The following SWI5 variants were observed in gnomAD, a reference collection of about 807,000 sequenced individuals.
The protein encoded by SWI5 is DNA repair protein SWI5 homolog.
SWI5 carries 12 observed loss-of-function variants against 17.0 expected under a neutral mutation model. That is an observed-to-expected ratio of 0.71 (90% CI 0.45 to 1.14). The LOEUF is 1.14. SWI5 is among the 50% of genes most tolerant of loss of function. The pLI is 0.00. For synonymous variants in SWI5, 61 were observed against 64.0 expected, an observed-to-expected ratio of 0.95 and a Z score of 0.22; for missense variants, 158 against 162.2, an observed-to-expected ratio of 0.97 and a Z score of 0.14.
rs563408051 is a variant in SWI5, at chr9:128,285,664, G to A, written c.234-275G>A. ...CTGTTTGGATCATGCGCCCATCTGC[G>A]AGTCCCTCAGCTGTGGCCAGGGTCA... On this transcript the variant is annotated intron_variant, in intron 3 of 4. Transcript: ENST00000418976. The surrounding 1 kb of genome is among the most constrained non-coding windows in gnomAD (Gnocchi z 4.8). 1.1e-4 allele frequency among the ~76,000 whole-genome samples: 17 copies of A among 152,294 alleles called. No individual in the cohort carries two copies. Among genetic ancestry groups the A allele is most frequent in the East Asian group, 7.7e-4 (4 of 5,174 alleles).
At chr9:128,288,794 C>A in exon 5 of SWI5, 1 of 1,503,598 alleles carries the variant, frequency 6.7e-7, no homozygotes, top group South Asian at 1.1e-5. Context: ...GCCCAACCAG[C>A]ACACCTACAG....
At chr9:128,278,974 T>A (rs938718978) in intron 2 of SWI5, among the ~76,000 whole-genome samples, 4 of 152,116 alleles carry the variant, frequency 2.6e-5, no homozygotes, top group Non-Finnish European at 5.9e-5. Context: ...TTTTGCCATG[T>A]TGGCCAGGCT....
chr9:128,282,862 G>A (rs1038394108), intron 2 of SWI5, among the ~76,000 whole-genome samples: 1 of 152,260 alleles, frequency 6.6e-6, no homozygotes, highest in Non-Finnish European at 1.5e-5. Context: ...CCCCAAGGAA[G>A]GGTTTTATCC....
chr9:128,276,148 G>A (rs776504579), upstream of SWI5: 2 of 1,567,642 alleles, frequency 1.3e-6, no homozygotes, highest in East Asian at 2.3e-5. Flanking sequence ...GCGTGGCTAT[G>A]CAGCGGCGTG....
intron 2 of SWI5, among the ~76,000 whole-genome samples, chr9:128,279,348 C>G (rs1831495575): frequency 6.6e-6 from 1 of 152,156 alleles, no homozygotes; most frequent in Admixed American, 6.6e-5. Context: ...CCACTACCAC[C>G]AAGACGTGGA....
In SWI5 at chr9:128,285,982, CA is replaced by C. The variant is rs971866265; in HGVS notation, c.278del (p.His93ProfsTer13). The C allele has an allele frequency of 4.3e-6, 7 of 1,614,020 alleles. No homozygotes were observed. Among genetic ancestry groups the C allele is most frequent in the Non-Finnish European group, 5.1e-6 (6 of 1,179,984 alleles). On this transcript the variant is annotated frameshift_variant, in exon 4 of 5. Transcript: ENST00000418976. LOFTEE classifies it high-confidence loss of function. This position sits in a 1 kb window ranked among gnomAD's most constrained non-coding sequence, Gnocchi z 4.8. ...ACTGGAGGACCACATTACCCAGCTT[CA>C]CGAGTACAATGACATCAAGGATGTG...
At chr9:128,277,214 A>G (rs1011029236) in intron 2 of SWI5, among the ~76,000 whole-genome samples, 1 of 151,988 alleles carries the variant, frequency 6.6e-6, no homozygotes, top group Non-Finnish European at 1.5e-5. Context: ...TCCTTCTCTC[A>G]TCCCCCAGAT....
At position 128,288,636 on chromosome 9, in the gene SWI5, C is replaced by A; in HGVS notation, c.329-16C>A. 6.2e-7 allele frequency: 1 copy of A among 1,614,004 alleles called. No homozygotes were observed. Among genetic ancestry groups the A allele is most frequent in the South Asian group, 1.1e-5 (1 of 91,068 alleles). Reference sequence around the variant, plus strand: ...CTCTCCCCACTGCACATTCAGCCTGCCTTCCTTCCTTTCAGCTGTGATCCG... The same window carrying A: ...CTCTCCCCACTGCACATTCAGCCTGACTTCCTTCCTTTCAGCTGTGATCCG... On this transcript the variant is annotated splice_polypyrimidine_tract_variant and intron_variant, in intron 4 of 4. Transcript: ENST00000418976.
chr9:128,283,332 T>G (rs776764432), intron 2 of SWI5, among the ~76,000 whole-genome samples: 8 of 147,774 alleles, frequency 5.4e-5, no homozygotes, highest in Non-Finnish European at 1.2e-4. Context: ...TAAAAAAAAG[T>G]ACAAAAATAC....
rs1018913634 is a variant in SWI5 at position 128,285,779 on chromosome 9, G to T, written c.234-160G>T. The stretch of plus-strand genomic sequence containing the variant: ...ACCTGGGAAGATCCCCTGCCCTGCT[G>T]TAAGCTTCATGAGGGCAGGGCCTAT... On this transcript the variant is annotated intron_variant, in intron 3 of 4. Coordinates refer to ENST00000418976, the Ensembl canonical transcript of SWI5. The surrounding 1 kb of genome is among the most constrained non-coding windows in gnomAD (Gnocchi z 4.8). 1.3e-5 allele frequency among the ~76,000 whole-genome samples: 2 copies of T among 152,176 alleles called. No homozygotes were observed. The highest frequency in any genetic ancestry group is 4.8e-5 in the African/African-American group (2 of 41,428).
chr9:128,288,672 A>G (rs1204038221), exon 5 of SWI5: 1 of 1,614,160 alleles, frequency 6.2e-7, no homozygotes, highest in East Asian at 2.2e-5. Flanking sequence ...AGGTGTCACC[A>G]CCAAAGAGTT....
At chr9:128,278,832 A>C (rs1329600677) in intron 2 of SWI5, among the ~76,000 whole-genome samples, 1 of 151,832 alleles carries the variant, frequency 6.6e-6, no homozygotes, top group African/African-American at 2.4e-5. Context: ...GAATGCAATG[A>C]CACGATCTTG....
chr9:128,287,254 G>A (rs2131425776), intron 4 of SWI5, among the ~76,000 whole-genome samples: 1 of 151,564 alleles, frequency 6.6e-6, no homozygotes, highest in South Asian at 2.1e-4. Flanking sequence ...AGACCAGCCT[G>A]GCCAACGCAG....
chr9:128,281,610 AAATATT>A (rs1294808267), intron 2 of SWI5, among the ~76,000 whole-genome samples: 1 of 152,346 alleles, frequency 6.6e-6, no homozygotes, highest in East Asian at 1.9e-4. Context: ...ATTCATTGAT[AAATATT>A]AATATTGAGT....
At chr9:128,275,877 A>T, upstream of SWI5, 1 of 1,455,398 alleles carries the variant, frequency 6.9e-7, no homozygotes, top group South Asian at 1.2e-5. Context: ...GGGGGCCGCG[A>T]CCCGGTGCAC....
exon 5 of SWI5, chr9:128,288,931 G>A (rs1434291702): frequency 5.1e-6 from 3 of 593,896 alleles, no homozygotes; most frequent in Non-Finnish European, 9.0e-6. Context: ...AAATGTCGCA[G>A]TGATACTTGT....
intron 2 of SWI5, among the ~76,000 whole-genome samples, chr9:128,282,101 A>T (rs1831548796): frequency 6.6e-6 from 1 of 151,918 alleles, no homozygotes; most frequent in African/African-American, 2.4e-5. Flanking sequence ...AATTAAATTT[A>T]AAAAAGGCCG....
chr9:128,283,558 A>G lies in SWI5; in HGVS notation c.112-952A>G, dbSNP rs549167710. On this transcript the variant is annotated intron_variant, in intron 2 of 4. Coordinates refer to ENST00000418976, the Ensembl canonical transcript of SWI5. The stretch of plus-strand genomic sequence containing the variant: ...TAAATGAGAAGAGAGCCCAAGACAG[A>G]CCTGGAGCAGATTCTCTGGGGTCAG... Among the ~76,000 whole-genome samples the G allele has an allele frequency of 7.2e-5, 11 of 152,244 alleles. No individual in the cohort carries two copies. The East Asian group carries it at 1.9e-3, about 27-fold the overall frequency.
intron 3 of SWI5, 21 bp downstream of exon 3, chr9:128,284,652 C>T (rs775486141): frequency 4.3e-6 from 7 of 1,610,072 alleles, no homozygotes; most frequent in African/African-American, 4.0e-5. Context: ...TTGGGTTCCC[C>T]ATCATGGTTA....
Sources: gnomAD v4.1 joint callset for allele counts (sites outside exome capture counted in the v4.1 genomes callset) on GRCh38, gnomAD v4.1.1 for gene constraint, Gnocchi (gnomAD v3.1) non-coding constraint, MANE v1.5 for transcripts, NCBI Gene and HGNC (gene_info 2026-07-23, HGNC 2026-07-21) for gene names.